Variants in EFCAB6 observed in about 807,000 individuals in gnomAD.
EFCAB6 encodes EF-hand calcium binding domain 6.
Under a neutral mutation model 169.8 loss-of-function variants are expected in EFCAB6, and 156 were observed. The observed-to-expected ratio is 0.92, with a 90% CI of 0.81 to 1.05. EFCAB6 has a LOEUF of 1.05. Ranked by LOEUF, EFCAB6 falls within the 50% of genes least tolerant of loss-of-function variation. The pLI, the probability that EFCAB6 is intolerant of heterozygous loss-of-function variation, is 0.00. For missense variants in EFCAB6, 1,800 were observed against 1,829.1 expected, an observed-to-expected ratio of 0.98 and a Z score of 0.29; for synonymous variants, 698 against 676.4, an observed-to-expected ratio of 1.03 and a Z score of -0.50.
chr22:43,665,473 AT>A (rs1405040686), intron 17 of EFCAB6, among the ~76,000 whole-genome samples: 1 of 152,200 alleles, frequency 6.6e-6, no homozygotes, highest in Non-Finnish European at 1.5e-5. Context: ...TTTCCCGTGA[AT>A]TTGTGAACTG....
chr22:43,649,874 C>T (rs752304110), intron 17 of EFCAB6, among the ~76,000 whole-genome samples: 6 of 152,124 alleles, frequency 3.9e-5, no homozygotes, highest in Non-Finnish European at 7.3e-5. Context: ...CTGGGGCAGA[C>T]GGCCCAGGCA....
intron 17 of EFCAB6, among the ~76,000 whole-genome samples, chr22:43,647,031 A>G (rs961261859): frequency 5.9e-5 from 9 of 152,194 alleles, no homozygotes; most frequent in Admixed American, 1.3e-4. Context: ...CATTCTGCTG[A>G]GAGGTGTTGT....
intron 21 of EFCAB6, among the ~76,000 whole-genome samples, chr22:43,613,577 A>T (rs1298388959): frequency 6.6e-6 from 1 of 152,122 alleles, no homozygotes; most frequent in Non-Finnish European, 1.5e-5. Context: ...ACATGGACAC[A>T]AAGAAGGGAA....
At chr22:43,680,303 T>C (rs2057951754) in intron 12 of EFCAB6, among the ~76,000 whole-genome samples, 1 of 152,230 alleles carries the variant, frequency 6.6e-6, no homozygotes, top group South Asian at 2.1e-4. Context: ...CATTGATCTG[T>C]ATGTAGGTCT....
intron 2 of EFCAB6, among the ~76,000 whole-genome samples, chr22:43,798,319 T>TCCAGC (rs1434528556): frequency 6.6e-6 from 1 of 150,948 alleles, no homozygotes; most frequent in Non-Finnish European, 1.5e-5. Context: ...GCCACTGCAC[T>TCCAGC]CCAGCCTGGG....
At chr22:43,678,199 A>T in intron 12 of EFCAB6, 36 bp from the exon 13 acceptor site, 1 of 1,530,892 alleles carries the variant, frequency 6.5e-7, no homozygotes, top group Non-Finnish European at 8.8e-7. Context: ...AATTTTTGAA[A>T]AAAAAAAAAA....
intron 17 of EFCAB6, among the ~76,000 whole-genome samples, chr22:43,654,560 T>C (rs2056641161): frequency 1.3e-5 from 2 of 152,232 alleles, no homozygotes; most frequent in African/African-American, 4.8e-5. Context: ...GAGAAAAATA[T>C]CACACAAATC....
At position 43,678,093 on chromosome 22, in the gene EFCAB6, T is replaced by A. The variant is rs2057843833; in HGVS notation, c.1322A>T (p.Asp441Val). 6.2e-7 allele frequency: 1 copy of A among 1,613,768 alleles called. No individual in the cohort carries two copies. Among genetic ancestry groups the A allele is most frequent in the Admixed American group, 1.7e-5 (1 of 59,962 alleles). The change falls in exon 13 of 32, where the codon GAT (aspartate) becomes GTT (valine). Residue 441 changes from aspartate to valine, a missense_variant. Coordinates refer to ENST00000262726, the MANE Select transcript of EFCAB6 (RefSeq NM_022785.4). ...ILNCMAVKLS[D>V]SEFKELMQML... ...TTGCATTAGTTCTTTGAATTCTGAA[T>A]CGCTTAGTTTTACAGCCATGCAATT...
At chr22:43,770,161 T>C (rs2061428312) in intron 4 of EFCAB6, among the ~76,000 whole-genome samples, 1 of 152,014 alleles carries the variant, frequency 6.6e-6, no homozygotes, top group Non-Finnish European at 1.5e-5. Flanking sequence ...CCAGCCAAGG[T>C]CAGCTAATTC....
rs777362180 is a variant in EFCAB6 at position 43,608,514 on chromosome 22, G to T, written c.2649C>A (p.Leu883=). 1.2e-6 allele frequency: 2 copies of T among 1,614,184 alleles called. No individual in the cohort carries two copies. The highest frequency in any genetic ancestry group is 3.3e-5 in the Admixed American group (2 of 60,032). The change falls in exon 22 of 32, where the codon CTC becomes CTA. Residue 883 remains leucine, a synonymous_variant. Coordinates refer to ENST00000262726, the MANE Select transcript of EFCAB6 (RefSeq NM_022785.4). ...AAAGCTTTTCAAACTCTCTTGGTGT[G>T]AGGGGAATATCAAAACCGTACAGTG... ...KNALYGFDIP[L]TPREFEKLWA...
In EFCAB6 at chr22:43,731,818, T is replaced by A. The variant is rs769979865; in HGVS notation, c.645-7A>T. 2 of 1,533,962 alleles carry A rather than the reference T, an allele frequency of 1.3e-6. No individual in the cohort carries two copies. The highest frequency in any genetic ancestry group is 2.4e-5 in the East Asian group (1 of 42,128). Reference sequence around the variant, plus strand: ...GTTGTAGTGTTTCGAAAACCTAAAATACAAATGTTCTTTAGTAATGAGAAA... The same window carrying A: ...GTTGTAGTGTTTCGAAAACCTAAAAAACAAATGTTCTTTAGTAATGAGAAA... On this transcript the variant is annotated splice_polypyrimidine_tract_variant and splice_region_variant and intron_variant, in intron 7 of 31. Coordinates refer to ENST00000262726, the MANE Select transcript of EFCAB6 (RefSeq NM_022785.4).
chr22:43,649,915 C>G (rs2056382689), intron 17 of EFCAB6, among the ~76,000 whole-genome samples: 1 of 152,134 alleles, frequency 6.6e-6, no homozygotes, highest in South Asian at 2.1e-4. Context: ...ATGTGAGGAG[C>G]TCATGAAACT....
chr22:43,651,508 G>A (rs1433833260), intron 17 of EFCAB6, among the ~76,000 whole-genome samples: 1 of 152,258 alleles, frequency 6.6e-6, no homozygotes. Context: ...CTAGGGCAGT[G>A]CAGAAGGGAA....
At chr22:43,802,704 A>C in intron 2 of EFCAB6, 2 of 507,206 alleles carry the variant, frequency 3.9e-6, no homozygotes, top group Non-Finnish European at 7.8e-6. Flanking sequence ...AAGGAGGAGA[A>C]TAACCCTGCA....
intron 2 of EFCAB6, among the ~76,000 whole-genome samples, chr22:43,789,169 C>CA (rs1163706341): frequency 2.0e-5 from 3 of 152,020 alleles, no homozygotes; most frequent in Non-Finnish European, 2.9e-5. Context: ...TTAGAGGTGA[C>CA]AAAAATGTTC....
intron 17 of EFCAB6, among the ~76,000 whole-genome samples, chr22:43,643,876 C>T (rs1051713509): frequency 4.0e-5 from 6 of 151,538 alleles, no homozygotes; most frequent in African/African-American, 7.3e-5. Context: ...CAGGCTGGAG[C>T]GCAGTAGCGT....
chr22:43,766,270 T>C (rs957871928), intron 4 of EFCAB6, among the ~76,000 whole-genome samples: 14 of 152,226 alleles, frequency 9.2e-5, no homozygotes, highest in Admixed American at 2.6e-4. Context: ...TGACCTCAAA[T>C]GATATGCCTG....
intron 8 of EFCAB6, among the ~76,000 whole-genome samples, chr22:43,727,557 G>A (rs551259142): frequency 9.2e-5 from 14 of 152,284 alleles, no homozygotes; most frequent in African/African-American, 2.2e-4. Context: ...CAACAGGAGC[G>A]TAGCAATGTA....
Sources: gnomAD v4.1 joint callset for allele counts (sites outside exome capture counted in the v4.1 genomes callset) on GRCh38, gnomAD v4.1.1 for gene constraint, MANE v1.5 for transcripts, NCBI Gene and HGNC (gene_info 2026-07-23, HGNC 2026-07-21) for gene names.